The following GABRB1 variants were observed in gnomAD, a reference collection of about 807,000 sequenced individuals.
The protein encoded by GABRB1 is gamma-aminobutyric acid receptor subunit beta-1.
A neutral mutation model predicts 51.6 loss-of-function variants in GABRB1; 17 were observed. The ratio of observed to expected loss-of-function variants is 0.33; its 90% CI spans 0.23 to 0.49. The LOEUF is 0.49. GABRB1 is among the 20% of genes least tolerant of loss of function. The pLI is 0.99. For missense variants in GABRB1, 410 were observed against 600.6 expected, an observed-to-expected ratio of 0.68 and a Z score of 3.32; for synonymous variants, 247 against 218.9, an observed-to-expected ratio of 1.13 and a Z score of -1.14.
chr4:47,325,251 A>G (rs982475446), intron 5 of GABRB1, among the ~76,000 whole-genome samples: 3 of 152,170 alleles, frequency 2.0e-5, no homozygotes, highest in Non-Finnish European at 4.4e-5. Flanking sequence ...CCTGGCCAAC[A>G]TGGTGAAACC....
At chr4:47,330,091 G>GA (rs1303209205) in intron 5 of GABRB1, among the ~76,000 whole-genome samples, 4 of 152,122 alleles carry the variant, frequency 2.6e-5, no homozygotes, top group South Asian at 2.1e-4. Flanking sequence ...TCAAAAGCAG[G>GA]AAAAAACCTG....
intron 1 of GABRB1, among the ~76,000 whole-genome samples, chr4:47,012,566 T>A (rs182109752): frequency 6.6e-6 from 1 of 152,206 alleles, no homozygotes; most frequent in African/African-American, 2.4e-5. Flanking sequence ...GTTTAAACAT[T>A]GTCATGGTAA....
chr4:47,249,443 G>A (rs1043624294), intron 4 of GABRB1, among the ~76,000 whole-genome samples: 8 of 152,070 alleles, frequency 5.3e-5, no homozygotes, highest in African/African-American at 1.9e-4. Flanking sequence ...GGTCTATCTT[G>A]GAAAAAGTTC....
upstream of GABRB1, among the ~76,000 whole-genome samples, chr4:47,030,045 T>C (rs1024542762): frequency 6.6e-6 from 1 of 152,170 alleles, no homozygotes; most frequent in Non-Finnish European, 1.5e-5. Context: ...TTGGAATTAG[T>C]TTATTCATTT....
intron 3 of GABRB1, among the ~76,000 whole-genome samples, chr4:47,089,100 T>A (rs1728190882): frequency 6.6e-6 from 1 of 152,196 alleles, no homozygotes; most frequent in South Asian, 2.1e-4. Flanking sequence ...TAAATTTTTA[T>A]GTGTTTGCTT....
In GABRB1 at chr4:47,421,206, G is replaced by A. The variant is rs114434139; in HGVS notation, c.1081-4468G>A. Among the ~76,000 whole-genome samples, 440 of 151,248 alleles carry A rather than the reference G, an allele frequency of 2.9e-3. 2 individuals are homozygous for A. Among genetic ancestry groups the A allele is most frequent in the African/African-American group, 0.01 (427 of 41,462 alleles). On this transcript the variant is annotated intron_variant, in intron 8 of 8. Coordinates refer to ENST00000295454, the MANE Select transcript of GABRB1 (RefSeq NM_000812.4). ...ATGCTATGATTTCTAGCTCAGTGAC[G>A]GAGAATACTGAGGGATTTGCACAAA...
chr4:47,084,686 G>T (rs1046474822), intron 3 of GABRB1, among the ~76,000 whole-genome samples: 1 of 152,106 alleles, frequency 6.6e-6, no homozygotes, highest in Non-Finnish European at 1.5e-5. Context: ...CATCTCTCAG[G>T]TTGTATTTGT....
chr4:47,179,367 G>A (rs1253142728), intron 4 of GABRB1, among the ~76,000 whole-genome samples: 1 of 152,092 alleles, frequency 6.6e-6, no homozygotes, highest in Non-Finnish European at 1.5e-5. Flanking sequence ...GTGGAAGACA[G>A]TGTGGCGATT....
At chr4:47,094,516 C>T (rs1007792937) in intron 3 of GABRB1, among the ~76,000 whole-genome samples, 5 of 152,092 alleles carry the variant, frequency 3.3e-5, no homozygotes, top group Admixed American at 1.3e-4. Context: ...AGCCACCGCA[C>T]CCAGCCCAAA....
chr4:47,102,879 C>T (rs913899228), intron 3 of GABRB1, among the ~76,000 whole-genome samples: 3 of 151,934 alleles, frequency 2.0e-5, no homozygotes, highest in Non-Finnish European at 4.4e-5. Flanking sequence ...AGGTGAAGAA[C>T]GACCAGCCAC....
intron 3 of GABRB1, among the ~76,000 whole-genome samples, chr4:47,118,222 A>G (rs1270624323): frequency 6.6e-6 from 1 of 152,208 alleles, no homozygotes; most frequent in African/African-American, 2.4e-5. Context: ...AGAGTCATAA[A>G]GTTCAAATAC....
chr4:47,237,321 TATACAAGAGATTGA>T (rs1306561080), intron 4 of GABRB1, among the ~76,000 whole-genome samples: 3 of 152,006 alleles, frequency 2.0e-5, no homozygotes, highest in Admixed American at 2.0e-4. Context: ...CACCAGGGAC[TATACAAGAGATTGA>T]GAAAAACCAG....
At chr4:47,220,620 A>G (rs984408208) in intron 4 of GABRB1, among the ~76,000 whole-genome samples, 2 of 151,906 alleles carry the variant, frequency 1.3e-5, no homozygotes, top group Admixed American at 6.6e-5. Flanking sequence ...CCTTCTTTCT[A>G]TTTTCAGTTA....
chr4:47,072,723 T>C (rs1308066737), intron 3 of GABRB1, among the ~76,000 whole-genome samples: 1 of 152,216 alleles, frequency 6.6e-6, no homozygotes, highest in African/African-American at 2.4e-5. Flanking sequence ...TATTGTATCA[T>C]GTGACAAAAT....
chr4:47,200,815 A>G (rs1719869555), intron 4 of GABRB1, among the ~76,000 whole-genome samples: 1 of 152,304 alleles, frequency 6.6e-6, no homozygotes, highest in South Asian at 2.1e-4. Context: ...AGTCAGCTCT[A>G]GGACCTTGAT....
chr4:47,358,981 T>A (rs1726698116), intron 5 of GABRB1, among the ~76,000 whole-genome samples: 1 of 152,112 alleles, frequency 6.6e-6, no homozygotes. Flanking sequence ...TGTATCCTGA[T>A]TAAAATAGCT....
intron 3 of GABRB1, chr4:47,032,938 C>T (rs1725397385): frequency 2.8e-6 from 1 of 352,652 alleles, no homozygotes; most frequent in African/African-American, 2.1e-5. Flanking sequence ...CACCAAGGCC[C>T]TGCCACCGAG....
intron 4 of GABRB1, among the ~76,000 whole-genome samples, chr4:47,224,802 C>T (rs1720892690): frequency 6.6e-6 from 1 of 152,150 alleles, no homozygotes; most frequent in African/African-American, 2.4e-5. Context: ...AGACATTTCT[C>T]TTTAATAAAT....
chr4:47,404,882 C>T (rs185963801), intron 7 of GABRB1, among the ~76,000 whole-genome samples: 2 of 152,234 alleles, frequency 1.3e-5, no homozygotes, highest in African/African-American at 4.8e-5. Context: ...TGTGGTTTTC[C>T]TTACTCTTCT....
Sources: allele counts gnomAD v4.1 joint callset (sites outside exome capture counted in the v4.1 genomes callset), GRCh38; gene constraint gnomAD v4.1.1; transcripts MANE v1.5; gene names NCBI Gene and HGNC (gene_info 2026-07-23, HGNC 2026-07-21).